The following MIAT variants were observed in gnomAD, a reference collection of about 807,000 sequenced individuals.
MIAT encodes the protein MI related novel mRNA.
chr22:26,672,135 G>A (rs950364200), downstream of MIAT: 1 of 399,894 alleles, frequency 2.5e-6, no homozygotes, highest in Non-Finnish European at 4.4e-6. Flanking sequence ...AGCGACTCCT[G>A]TGTGTGTCTG....
chr22:26,675,552 CT>C, exon 5 of MIAT: 1 of 398,590 alleles, frequency 2.5e-6, no homozygotes, highest in Non-Finnish European at 4.4e-6. Flanking sequence ...TTTGGTCCAT[CT>C]TTTGATAAAC....
intron 2 of MIAT, among the ~76,000 whole-genome samples, chr22:26,655,346 A>G (rs1402689434): frequency 6.6e-6 from 1 of 152,234 alleles, no homozygotes; most frequent in Non-Finnish European, 1.5e-5. Flanking sequence ...GTTGGAATCT[A>G]AAAGGACAGG....
chr22:26,666,915 G>T lies in MIAT; in HGVS notation n.2114G>T, dbSNP rs560549776. On this transcript the variant is annotated non_coding_transcript_exon_variant, in exon 4 of 6. Coordinates refer to ENST00000643270, the Ensembl canonical transcript of MIAT. ...AAGGAGCTGGGAGCCTGGGCTGCCT[G>T]TGTGTCGGCTGGATGCTGCCAGGTA... 2.0e-5 allele frequency: 8 copies of T among 398,268 alleles called. No individual in the cohort carries two copies. In the Admixed American group the frequency reaches 3.5e-4, roughly 18 times the overall value. The allele number at this position is 398,268 out of a possible 1,614,324, so 24.7% of individuals were successfully genotyped here.
At chr22:26,666,413 AG>A in exon 4 of MIAT, 1 of 398,714 alleles carries the variant, frequency 2.5e-6, no homozygotes, top group Admixed American at 4.4e-5. Context: ...GCTGGGCAGA[AG>A]GGTCCCTTCC....
rs1449819079 is a variant in MIAT, at chr22:26,661,887, A to AATCCATATATATATGGATCTATATAG, written n.647-1414_647-1389dup. On this transcript the variant is annotated intron_variant and non_coding_transcript_variant, in intron 2 of 5. Coordinates refer to ENST00000643270, the Ensembl canonical transcript of MIAT. The stretch of plus-strand genomic sequence containing the variant: ...ACCTTCCTTGGATCTTTTATCATTT[A>AATCCATATATATATGGATCTATATAG]ATCCATATATATATGGATCTATATA... 2.0e-4 allele frequency among the ~76,000 whole-genome samples: 24 copies of AATCCATATATATATGGATCTATATAG among 118,176 alleles called. 1 individual carries two copies. Among genetic ancestry groups the AATCCATATATATATGGATCTATATAG allele is most frequent in the East Asian group, 5.6e-4 (2 of 3,544 alleles). The allele number at this position is 118,176 out of a possible 152,430, so 77.5% of individuals were successfully genotyped here.
chr22:26,657,904 AG>A (rs1247162211), intron 2 of MIAT, among the ~76,000 whole-genome samples: 1 of 152,196 alleles, frequency 6.6e-6, no homozygotes, highest in Non-Finnish European at 1.5e-5. Context: ...AGGATGCTTT[AG>A]GAGTCCAGTG....
At chr22:26,649,079 T>C (rs187038178) in intron 2 of MIAT, among the ~76,000 whole-genome samples, 1 of 152,078 alleles carries the variant, frequency 6.6e-6, no homozygotes, top group East Asian at 1.9e-4. Flanking sequence ...TTCATACTAA[T>C]GTGAGAGAGA....
downstream of MIAT, chr22:26,672,646 T>C: frequency 2.5e-6 from 1 of 399,030 alleles, no homozygotes; most frequent in Non-Finnish European, 4.4e-6. Context: ...GAAGCTGTCC[T>C]GCACAGGAAG....
downstream of MIAT, chr22:26,674,351 T>A (rs1011146627): frequency 2.5e-6 from 1 of 398,746 alleles, no homozygotes. Context: ...CGCAAGGGAT[T>A]CCAGGTGCAG....
chr22:26,675,263 G>A, exon 5 of MIAT: 1 of 398,790 alleles, frequency 2.5e-6, no homozygotes, highest in Admixed American at 4.4e-5. Context: ...CAGTTTCTGG[G>A]GATCAGAGAG....
chr22:26,674,544 C>G (rs1931188999), downstream of MIAT: 2 of 398,716 alleles, frequency 5.0e-6, no homozygotes, highest in Non-Finnish European at 8.8e-6. Flanking sequence ...GCTGAGAGCC[C>G]TTTTCTCTGG....
intron 2 of MIAT, among the ~76,000 whole-genome samples, chr22:26,659,445 T>G (rs1417599673): frequency 6.6e-6 from 1 of 152,172 alleles, no homozygotes; most frequent in Non-Finnish European, 1.5e-5. Flanking sequence ...ACCCTACTCC[T>G]TAACAGGGAA....
chr22:26,661,313 A>G (rs552555084), intron 2 of MIAT, among the ~76,000 whole-genome samples: 1 of 152,286 alleles, frequency 6.6e-6, no homozygotes, highest in African/African-American at 2.4e-5. Context: ...AAGTCTGGCT[A>G]AGAGTGACAT....
chr22:26,669,107 G>A, exon 6 of MIAT: 1 of 398,680 alleles, frequency 2.5e-6, no homozygotes, highest in Non-Finnish European at 4.4e-6. Context: ...GGAACAGAAG[G>A]TGGCAGGACA....
At chr22:26,675,745 T>G (rs1340817510) in exon 5 of MIAT, 5 of 398,550 alleles carry the variant, frequency 1.3e-5, no homozygotes, top group Non-Finnish European at 2.2e-5. Context: ...GTCTATAAGA[T>G]AATTCCATTG....
At chr22:26,674,960 G>A (rs1290094174) in exon 5 of MIAT, 1 of 398,742 alleles carries the variant, frequency 2.5e-6, no homozygotes. Flanking sequence ...CAGTGAGATG[G>A]GTGTTATGAT....
intron 2 of MIAT, among the ~76,000 whole-genome samples, chr22:26,652,492 G>C (rs889014532): frequency 1.6e-4 from 24 of 151,980 alleles, no homozygotes; most frequent in African/African-American, 5.1e-4. Context: ...TGAGTAGCTG[G>C]GATTACAGGC....
At chr22:26,646,600 C>T (rs1477237222) in exon 1 of MIAT, 1 of 396,686 alleles carries the variant, frequency 2.5e-6, no homozygotes, top group Non-Finnish European at 4.4e-6. Context: ...GCTCAGATCC[C>T]TTCTAGTTGT....
chr22:26,673,902 C>A (rs2146022504), downstream of MIAT: 1 of 398,680 alleles, frequency 2.5e-6, no homozygotes, highest in South Asian at 1.3e-4. Context: ...TTGGGCATAT[C>A]TTCACTCCTC....
Sources: gnomAD v4.1 joint callset for allele counts (sites outside exome capture counted in the v4.1 genomes callset) on GRCh38, gnomAD v4.1.1 for gene constraint, MANE v1.5 for transcripts, NCBI Gene and HGNC (gene_info 2026-07-23, HGNC 2026-07-21) for gene names.